USP31: variants seen among roughly 807,000 people sequenced by gnomAD.
USP31 encodes the protein ubiquitin specific peptidase 31, also known as ubiquitin carboxyl-terminal hydrolase 31.
Under a neutral mutation model 119.4 loss-of-function variants are expected in USP31, and 44 were observed. The ratio of observed to expected loss-of-function variants is 0.37; its 90% CI spans 0.29 to 0.47. The LOEUF is 0.47. Ranked by LOEUF, USP31 falls within the 20% of genes least tolerant of loss-of-function variation. The pLI, the probability that USP31 is intolerant of heterozygous loss-of-function variation, is 0.99. For missense variants in USP31, 1,643 were observed against 1,730.2 expected, an observed-to-expected ratio of 0.95 and a Z score of 0.89; for synonymous variants, 749 against 705.6, an observed-to-expected ratio of 1.06 and a Z score of -0.97.
chr16:23,129,643 T>TTA (rs1902965793), intron 1 of USP31, among the ~76,000 whole-genome samples: 1 of 152,184 alleles, frequency 6.6e-6, no homozygotes, highest in South Asian at 2.1e-4. Flanking sequence ...CCCCTCTTAG[T>TTA]TATATATAGT....
rs1596711883 is a variant in USP31 at position 23,102,366 on chromosome 16, A to C, written c.1187T>G (p.Phe396Cys). 6.2e-7 allele frequency: 1 copy of C among 1,614,110 alleles called. No homozygotes were observed. Among genetic ancestry groups the C allele is most frequent in the African/African-American group, 1.3e-5 (1 of 75,052 alleles). Residue 396 changes from phenylalanine to cysteine, a missense_variant, in exon 6 of 16, where the codon TTT becomes TGT. Phe to Cys is a radical substitution (Grantham distance 205). Transcript: ENST00000219689. The part of the protein sequence containing the change: ...TVHESDCIFA[F>C]ETPEIFRPEG... ...AGGCCTAAATATTTCGGGAGTCTCAAAGGCAAAAATGCAGTCGCTTTCATG... is the reference window on the plus strand; with the variant it reads ...AGGCCTAAATATTTCGGGAGTCTCACAGGCAAAAATGCAGTCGCTTTCATG...
intron 1 of USP31, among the ~76,000 whole-genome samples, chr16:23,115,259 C>A (rs1286833818): frequency 1.3e-5 from 2 of 152,132 alleles, no homozygotes; most frequent in Non-Finnish European, 2.9e-5. Context: ...CTAAATTAAT[C>A]TTTCTGTATG....
intron 4 of USP31, 128 bp downstream of exon 4, chr16:23,106,085 G>T: frequency 9.6e-7 from 1 of 1,045,380 alleles, no homozygotes; most frequent in Non-Finnish European, 1.4e-6. Flanking sequence ...TTGTAGCAAT[G>T]ACTGTATTCA....
Position 23,112,206 on chromosome 16 carries a change from G to A in USP31, c.634-4023C>T, listed in dbSNP as rs377167461. 1.6e-4 allele frequency among the ~76,000 whole-genome samples: 25 copies of A among 152,176 alleles called. 1 individual carries two copies. The South Asian group carries it at 5.0e-3, about 30-fold the overall frequency. On this transcript the variant is annotated intron_variant, in intron 1 of 15. Coordinates refer to ENST00000219689, the MANE Select transcript of USP31 (RefSeq NM_020718.4). Reference sequence around the variant, plus strand: ...GGCATGATGGGAAGTCTTCATCATGGTACAAAACCTCCCCACTAAATCACC... The same window carrying A: ...GGCATGATGGGAAGTCTTCATCATGATACAAAACCTCCCCACTAAATCACC...
intron 1 of USP31, among the ~76,000 whole-genome samples, chr16:23,147,658 A>G (rs1361573870): frequency 6.6e-6 from 1 of 152,190 alleles, no homozygotes; most frequent in Non-Finnish European, 1.5e-5. Context: ...AGGGATGTAT[A>G]GCTCACCCCT....
In USP31 at chr16:23,063,235, T is replaced by C. The variant is rs1177884779; in HGVS notation, c.*4811A>G. 2.0e-5 allele frequency: 3 copies of C among 152,186 alleles called. No homozygotes were observed. Among genetic ancestry groups the C allele is most frequent in the Admixed American group, 6.5e-5 (1 of 15,272 alleles). The allele number at this position is 152,186 out of a possible 1,614,324, so 9.4% of individuals were successfully genotyped here. A position where few individuals can be genotyped will look rare whatever the true frequency, so the allele number is the denominator to read the frequency against. On this transcript the variant is annotated 3_prime_UTR_variant, in exon 16 of 16. Transcript: ENST00000219689. The stretch of plus-strand genomic sequence containing the variant: ...GCTGTGCACCCCTTCTCCCAAAAAT[T>C]GGGAAACACTAAACAAATGTAAGAT...
chr16:23,087,197 T>C lies in USP31; in HGVS notation c.1528-11A>G, dbSNP rs1238661298. 10 of 1,607,080 alleles carry C rather than the reference T, an allele frequency of 6.2e-6. No individual in the cohort carries two copies. The highest frequency in any genetic ancestry group is 1.3e-5 in the African/African-American group (1 of 74,552). ...GCTGAATGGACACACCTGCATCAGA[T>C]GTTAGATGAGAATTAAGCCAAATTT... On this transcript the variant is annotated splice_polypyrimidine_tract_variant and intron_variant, in intron 8 of 15. Transcript: ENST00000219689.
intron 1 of USP31, among the ~76,000 whole-genome samples, chr16:23,136,225 C>G (rs935934004): frequency 6.6e-6 from 1 of 152,140 alleles, no homozygotes; most frequent in Non-Finnish European, 1.5e-5. Context: ...AAAACCTAAA[C>G]ATAAGAACTA....
chr16:23,147,806 G>A (rs1903566247), intron 1 of USP31, among the ~76,000 whole-genome samples: 1 of 152,182 alleles, frequency 6.6e-6, no homozygotes, highest in African/African-American at 2.4e-5. Flanking sequence ...GTATGGTGGT[G>A]TGTGTCTGTA....
At chr16:23,119,474 G>C (rs570898744) in intron 1 of USP31, among the ~76,000 whole-genome samples, 21 of 152,198 alleles carry the variant, frequency 1.4e-4, no homozygotes, top group African/African-American at 4.8e-4. Context: ...CTTCAACAAA[G>C]TACCTTAAAA....
At chr16:23,071,174 A>G (rs1320437346) in intron 15 of USP31, among the ~76,000 whole-genome samples, 3 of 152,228 alleles carry the variant, frequency 2.0e-5, no homozygotes, top group Admixed American at 2.0e-4. Context: ...TGGCAGAGCT[A>G]GAGCTATGGT....
chr16:23,132,025 C>G (rs903915007), intron 1 of USP31, among the ~76,000 whole-genome samples: 13 of 152,218 alleles, frequency 8.5e-5, no homozygotes, highest in African/African-American at 2.9e-4. Flanking sequence ...CCGAACCCAA[C>G]AGCTGGAGGG....
rs372142279 is a variant in USP31 at position 23,063,849 on chromosome 16, G to A, written c.*4197C>T. On this transcript the variant is annotated 3_prime_UTR_variant, in exon 16 of 16. Coordinates refer to ENST00000219689, the MANE Select transcript of USP31 (RefSeq NM_020718.4). ...GGCCACGCACAATTGTTTTTACTTG[G>A]GGAAAAAAATGGTCATGCTCAAAAT... 1 of 151,534 alleles carries A rather than the reference G, an allele frequency of 6.6e-6. No individual in the cohort carries two copies. Among genetic ancestry groups the A allele is most frequent in the Non-Finnish European group, 1.5e-5 (1 of 67,906 alleles). 9.4% of individuals were successfully genotyped at this position (151,534 alleles called of 1,614,324 possible).
chr16:23,136,280 T>C (rs1051521481), intron 1 of USP31, among the ~76,000 whole-genome samples: 1 of 152,154 alleles, frequency 6.6e-6, no homozygotes, highest in African/African-American at 2.4e-5. Context: ...TTTATGACAC[T>C]GGATTTGGCA....
chr16:23,126,626 CAA>C (rs78273190), intron 1 of USP31, among the ~76,000 whole-genome samples: 33 of 107,116 alleles, frequency 3.1e-4, no homozygotes, highest in Non-Finnish European at 4.7e-4. Flanking sequence ...GACTCTGTCT[CAA>C]AAAAAAAAAA....
At chr16:23,088,119 CA>C (rs1352058192) in intron 7 of USP31, among the ~76,000 whole-genome samples, 10 of 152,084 alleles carry the variant, frequency 6.6e-5, no homozygotes, top group African/African-American at 2.4e-4. Flanking sequence ...ATGGAGAGCA[CA>C]GGGGGTGGGA....
chr16:23,071,898 C>T, intron 15 of USP31, 147 bp downstream of exon 15: 1 of 1,125,616 alleles, frequency 8.9e-7, no homozygotes, highest in Non-Finnish European at 1.3e-6. Context: ...AGGATCATAA[C>T]TCACAGCTAC....
chr16:23,149,381 G>GC lies in USP31; in HGVS notation c.-112dup. 1 of 983,532 alleles carries GC rather than the reference G, an allele frequency of 1.0e-6. No homozygotes were observed. Among genetic ancestry groups the GC allele is most frequent in the South Asian group, 4.6e-5 (1 of 21,606 alleles). 60.9% of individuals were successfully genotyped at this position (983,532 alleles called of 1,614,324 possible). A position where few individuals can be genotyped will look rare whatever the true frequency, so the allele number is the denominator to read the frequency against. On this transcript the variant is annotated 5_prime_UTR_variant, in exon 1 of 16. Transcript: ENST00000219689. ...GCCTCACCGGGCCCGGGGGCTCGACGCCCCACACACCTCAAAGCGCAGCCG... is the reference window on the plus strand; with the variant it reads ...GCCTCACCGGGCCCGGGGGCTCGACGCCCCCACACACCTCAAAGCGCAGCCG...
intron 1 of USP31, among the ~76,000 whole-genome samples, chr16:23,115,240 T>C (rs1902452239): frequency 6.6e-6 from 1 of 152,232 alleles, no homozygotes; most frequent in African/African-American, 2.4e-5. Flanking sequence ...CCTTAGTTTA[T>C]TTGATGTCCT....
Sources: gnomAD v4.1 joint callset for allele counts (sites outside exome capture counted in the v4.1 genomes callset) on GRCh38, gnomAD v4.1.1 for gene constraint, MANE v1.5 for transcripts, NCBI Gene and HGNC (gene_info 2026-07-23, HGNC 2026-07-21) for gene names.